ANKHD1: variants seen among roughly 807,000 people sequenced by gnomAD.
ANKHD1 encodes ankyrin repeat and KH domain-containing protein 1.
A neutral mutation model predicts 230.5 loss-of-function variants in ANKHD1; 31 were observed. That is an observed-to-expected ratio of 0.13 (90% CI 0.10 to 0.18). ANKHD1 has a LOEUF of 0.18. Ranked by LOEUF, ANKHD1 falls within the 10% of genes least tolerant of loss-of-function variation. ANKHD1 has a pLI of 1.00. For missense variants in ANKHD1, 2,256 were observed against 3,071.3 expected (o/e 0.73, Z 6.27); for synonymous variants, 1,074 against 1,117.6 (o/e 0.96, Z 0.78).
Position 140,512,879 on chromosome 5 carries a change from T to C in ANKHD1, c.4156T>C (p.Ser1386Pro). 6.2e-7 allele frequency: 1 copy of C among 1,603,110 alleles called. No homozygotes were observed. Residue 1386 changes from serine to proline, a missense_variant, in exon 23 of 34, where the codon TCT becomes CCT. This residue lies in a region of ANKHD1 where 195 missense variants were observed against 340.3 expected (regional missense o/e 0.57). Coordinates refer to ENST00000360839, the MANE Select transcript of ANKHD1 (RefSeq NM_017747.3). The stretch of plus-strand genomic sequence containing the variant: ...GGTAAAGGAAGTAAATCAGTTCCCT[T>C]CTGATATAGAATGCATGAGATACAT... The part of the protein sequence containing the change: ...YLVKEVNQFP[S>P]DIECMRYIAT...
intron 9 of ANKHD1, among the ~76,000 whole-genome samples, chr5:140,461,043 G>A (rs1042319715): frequency 8.6e-5 from 13 of 152,002 alleles, no homozygotes; most frequent in Admixed American, 3.3e-4. Flanking sequence ...AGCTAAAGTC[G>A]TGCTATTGTA....
At chr5:140,443,285 A>G (rs1774007542) in intron 5 of ANKHD1, among the ~76,000 whole-genome samples, 1 of 152,194 alleles carries the variant, frequency 6.6e-6, no homozygotes, top group South Asian at 2.1e-4. Flanking sequence ...TTAGGGGCAG[A>G]GGGCATTAAT....
intron 7 of ANKHD1, 62 bp downstream of exon 7, chr5:140,449,367 C>CT: frequency 6.5e-7 from 1 of 1,544,876 alleles, no homozygotes; most frequent in South Asian, 1.2e-5. Context: ...GTGTTTAAGC[C>CT]TTTAAGAGTG....
intron 15 of ANKHD1, among the ~76,000 whole-genome samples, chr5:140,503,658 C>T (rs1344663708): frequency 1.4e-5 from 2 of 147,148 alleles, no homozygotes; most frequent in African/African-American, 2.5e-5. Context: ...ACCTCCGCCT[C>T]CCAGGTTAAA....
rs371737633 is a variant in ANKHD1, at chr5:140,459,772, AAAATT to A, written c.1672+427_1672+431del. Among the ~76,000 whole-genome samples the A allele has an allele frequency of 9.8e-4, 149 of 152,274 alleles. 1 individual carries two copies. In the East Asian group the frequency reaches 0.021, roughly 22 times the overall value. On this transcript the variant is annotated intron_variant, in intron 9 of 33. Coordinates refer to ENST00000360839, the MANE Select transcript of ANKHD1 (RefSeq NM_017747.3). ...CAATTATTATTTGTCAATTAAAAAT[AAAATT>A]AAATTAAATAATTAAAAATACTGTT...
chr5:140,537,244 CTTATG>C (rs1403447279), intron 30 of ANKHD1, 140 bp from the exon 31 acceptor site: 2 of 1,361,084 alleles, frequency 1.5e-6, no homozygotes, highest in African/African-American at 3.0e-5. Flanking sequence ...CTTTACAGAA[CTTATG>C]TTGTGGAATA....
intron 1 of ANKHD1, among the ~76,000 whole-genome samples, chr5:140,434,570 A>G (rs1773299253): frequency 6.6e-6 from 1 of 151,746 alleles, no homozygotes. Context: ...ATATTTACAT[A>G]TATACACATA....
At chr5:140,496,461 C>CCT in intron 14 of ANKHD1, 59 bp from the exon 15 acceptor site, 1 of 511,146 alleles carries the variant, frequency 2.0e-6, no homozygotes, top group East Asian at 7.9e-5. Context: ...TTTTTCTTTT[C>CCT]TTTTTTTTTT....
At chr5:140,523,318 G>A (rs1581372148) in intron 24 of ANKHD1, among the ~76,000 whole-genome samples, 1 of 151,380 alleles carries the variant, frequency 6.6e-6, no homozygotes. Context: ...ATATTGCCCA[G>A]GCTAGTCTCA....
chr5:140,438,767 T>C, intron 3 of ANKHD1, 150 bp downstream of exon 3: 1 of 1,087,926 alleles, frequency 9.2e-7, no homozygotes, highest in Non-Finnish European at 1.2e-6. Flanking sequence ...AATGTATATG[T>C]ATTATGTAGC....
intron 22 of ANKHD1, among the ~76,000 whole-genome samples, chr5:140,510,420 C>G (rs1042906186): frequency 1.8e-4 from 25 of 141,704 alleles, no homozygotes; most frequent in African/African-American, 5.7e-4. Flanking sequence ...TCAAGTGATT[C>G]TCCTGCCTCA....
intron 10 of ANKHD1, among the ~76,000 whole-genome samples, chr5:140,471,736 A>T (rs1221209397): frequency 6.6e-6 from 1 of 152,212 alleles, no homozygotes; most frequent in African/African-American, 2.4e-5. Context: ...GATCTAGAGA[A>T]AATACAAACA....
intron 9 of ANKHD1, among the ~76,000 whole-genome samples, chr5:140,461,250 G>C (rs981112468): frequency 1.3e-5 from 2 of 152,112 alleles, no homozygotes; most frequent in Non-Finnish European, 2.9e-5. Context: ...AGCTAATAGG[G>C]ACAGAGTCAA....
intron 10 of ANKHD1, among the ~76,000 whole-genome samples, chr5:140,474,220 C>G (rs1750837768): frequency 6.6e-6 from 1 of 152,112 alleles, no homozygotes; most frequent in African/African-American, 2.4e-5. Context: ...GGTATGAATC[C>G]AATCAGTAAT....
intron 10 of ANKHD1, among the ~76,000 whole-genome samples, chr5:140,477,344 TGAATC>T (rs1482048553): frequency 1.3e-5 from 2 of 152,234 alleles, no homozygotes; most frequent in Non-Finnish European, 2.9e-5. Flanking sequence ...ATGAAACTGA[TGAATC>T]AAACATAAAA....
chr5:140,422,469 A>C (rs952099675), intron 1 of ANKHD1, among the ~76,000 whole-genome samples: 1 of 152,068 alleles, frequency 6.6e-6, no homozygotes, highest in African/African-American at 2.4e-5. Context: ...AGAGCCTACT[A>C]TTTGTTAAGC....
At chr5:140,430,259 C>T (rs537124118) in intron 1 of ANKHD1, among the ~76,000 whole-genome samples, 1 of 152,236 alleles carries the variant, frequency 6.6e-6, no homozygotes, top group South Asian at 2.1e-4. Context: ...TCTTTTTCCT[C>T]CACCCTTTAT....
At chr5:140,419,769 TTTC>T (rs1178703183) in intron 1 of ANKHD1, among the ~76,000 whole-genome samples, 1 of 141,962 alleles carries the variant, frequency 7.0e-6, no homozygotes, top group Non-Finnish European at 1.5e-5. Flanking sequence ...TTCTCTTTCC[TTTC>T]TTTTTCTTTC....
At chr5:140,483,383 A>G (rs1751368956) in intron 11 of ANKHD1, among the ~76,000 whole-genome samples, 1 of 152,002 alleles carries the variant, frequency 6.6e-6, no homozygotes, top group African/African-American at 2.4e-5. Flanking sequence ...TATTAAGATA[A>G]AAACTATATT....
Sources: allele counts gnomAD v4.1 joint callset (sites outside exome capture counted in the v4.1 genomes callset), GRCh38; gene constraint gnomAD v4.1.1; regional missense constraint gnomAD v4.1.1; transcripts MANE v1.5; gene names NCBI Gene and HGNC (gene_info 2026-07-23, HGNC 2026-07-21).